The following ZNF804B variants were observed in gnomAD, a reference collection of about 807,000 sequenced individuals.
ZNF804B encodes the protein zinc finger 804B.
Under a neutral mutation model 101.4 loss-of-function variants are expected in ZNF804B, and 80 were observed. The observed-to-expected ratio is 0.79, with a 90% CI of 0.66 to 0.95. The LOEUF (loss-of-function observed/expected upper bound fraction) is 0.95. ZNF804B is among the 40% of genes least tolerant of loss of function. ZNF804B has a pLI of 0.00. For synonymous variants in ZNF804B, 622 were observed against 558.8 expected (o/e 1.11, Z -1.59); for missense variants, 1,673 against 1,561.9 (o/e 1.07, Z -1.20).
intron 2 of ZNF804B, among the ~76,000 whole-genome samples, chr7:89,245,435 A>C (rs570253719): frequency 1.3e-5 from 2 of 152,280 alleles, no homozygotes; most frequent in Admixed American, 1.3e-4. Context: ...GAAAATAATA[A>C]AATGTAAAAA....
chr7:89,113,367 C>T (rs1341642426), intron 1 of ZNF804B, among the ~76,000 whole-genome samples: 1 of 151,620 alleles, frequency 6.6e-6, no homozygotes, highest in East Asian at 1.9e-4. Context: ...AAATAAAAGT[C>T]ATAAAAGAAG....
intron 1 of ZNF804B, among the ~76,000 whole-genome samples, chr7:88,804,644 G>T (rs557876426): frequency 6.6e-6 from 1 of 152,136 alleles, no homozygotes; most frequent in South Asian, 2.1e-4. Flanking sequence ...TAGCAAAGTT[G>T]CTTTACACAT....
chr7:89,151,849 ACCT>A (rs1790882014), intron 1 of ZNF804B, among the ~76,000 whole-genome samples: 1 of 152,012 alleles, frequency 6.6e-6, no homozygotes, highest in Non-Finnish European at 1.5e-5. Flanking sequence ...GCTATGATCT[ACCT>A]CCTAGGCAGG....
chr7:88,880,836 A>G (rs537690897), intron 1 of ZNF804B, among the ~76,000 whole-genome samples: 1 of 152,204 alleles, frequency 6.6e-6, no homozygotes, highest in East Asian at 1.9e-4. Context: ...CCTTTCATGT[A>G]TGAATATTTG....
chr7:88,795,129 G>T, intron 1 of ZNF804B: 1 of 463,258 alleles, frequency 2.2e-6, no homozygotes, highest in Non-Finnish European at 3.8e-6. Flanking sequence ...GTTTTATCAG[G>T]AAACAATGTA....
At chr7:88,768,538 C>A (rs1361724303) in intron 1 of ZNF804B, among the ~76,000 whole-genome samples, 2 of 152,018 alleles carry the variant, frequency 1.3e-5, no homozygotes, top group African/African-American at 4.8e-5. Context: ...GGCAAGATGG[C>A]AAAACCCATC....
chr7:89,162,917 T>C (rs1791089327), intron 1 of ZNF804B, among the ~76,000 whole-genome samples: 1 of 134,738 alleles, frequency 7.4e-6, no homozygotes. Context: ...AGTGAGAATA[T>C]GTGGTGTTCG....
chr7:89,081,533 G>A (rs1457523514), intron 1 of ZNF804B, among the ~76,000 whole-genome samples: 2 of 151,704 alleles, frequency 1.3e-5, no homozygotes, highest in Non-Finnish European at 2.9e-5. Flanking sequence ...ACAATACATG[G>A]CACATATAAC....
intron 1 of ZNF804B, among the ~76,000 whole-genome samples, chr7:89,018,078 A>C (rs1788599673): frequency 6.6e-6 from 1 of 152,138 alleles, no homozygotes; most frequent in Admixed American, 6.6e-5. Context: ...GAAAGTGGGC[A>C]TTCTTCGCAT....
chr7:88,763,866 G>T (rs543684571), intron 1 of ZNF804B, among the ~76,000 whole-genome samples: 136 of 152,152 alleles, frequency 8.9e-4, no homozygotes, highest in Middle Eastern at 6.8e-3. Context: ...TATATTAATG[G>T]TAAAACTTTG....
At chr7:89,117,717 A>G (rs908157500) in intron 1 of ZNF804B, among the ~76,000 whole-genome samples, 38 of 152,196 alleles carry the variant, frequency 2.5e-4, no homozygotes, top group Non-Finnish European at 5.0e-4. Context: ...AAAATTTTTT[A>G]TTCAAATTAT....
At chr7:88,764,369 T>C (rs938301511) in intron 1 of ZNF804B, among the ~76,000 whole-genome samples, 3 of 152,172 alleles carry the variant, frequency 2.0e-5, no homozygotes, top group Admixed American at 6.5e-5. Flanking sequence ...GAATGCCTAT[T>C]GTCTTAATGC....
chr7:89,154,219 A>G (rs764250988), intron 1 of ZNF804B, among the ~76,000 whole-genome samples: 3 of 152,150 alleles, frequency 2.0e-5, no homozygotes, highest in Non-Finnish European at 4.4e-5. Context: ...TATATCCAAA[A>G]CACAGGCAAT....
At chr7:88,912,975 C>T (rs1424421639) in intron 1 of ZNF804B, among the ~76,000 whole-genome samples, 2 of 152,058 alleles carry the variant, frequency 1.3e-5, no homozygotes, top group Admixed American at 6.6e-5. Context: ...TTAGAAGCAA[C>T]CTTTTGCATT....
intron 1 of ZNF804B, among the ~76,000 whole-genome samples, chr7:88,964,026 T>C (rs1160776250): frequency 1.3e-5 from 2 of 151,408 alleles, no homozygotes; most frequent in South Asian, 2.1e-4. Context: ...GAAAACTGAA[T>C]ATAACAAGTG....
In ZNF804B at chr7:89,334,645, G is replaced by T. The variant is rs1791045990; in HGVS notation, c.1663G>T (p.Asp555Tyr). 3.1e-6 allele frequency: 5 copies of T among 1,613,744 alleles called. No individual in the cohort carries two copies. Among genetic ancestry groups the T allele is most frequent in the Non-Finnish European group, 4.2e-6 (5 of 1,179,834 alleles). The change falls in exon 4 of 4, where the codon GAC becomes TAC. Residue 555 changes from aspartate (D) to tyrosine (Y), a missense_variant. Asp to Tyr is a radical substitution (Grantham distance 160). Transcript: ENST00000333190. ...AAAATTCCAGAGGAAATATAATTTG[G>T]ACTACAGTGATTCTGAGCCAAATAA... is the stretch of plus-strand genomic sequence containing the variant. The part of the protein sequence containing the change: ...WEKFQRKYNL[D>Y]YSDSEPNKSE...
chr7:88,777,177 G>A (rs918361039), intron 1 of ZNF804B, among the ~76,000 whole-genome samples: 1 of 152,188 alleles, frequency 6.6e-6, no homozygotes, highest in Admixed American at 6.5e-5. Context: ...CAAGGTGAGC[G>A]ACTGGTGCCT....
intron 2 of ZNF804B, among the ~76,000 whole-genome samples, chr7:89,282,251 G>C (rs2115873432): frequency 6.7e-6 from 1 of 149,482 alleles, no homozygotes; most frequent in South Asian, 2.1e-4. Flanking sequence ...GCACAAATCT[G>C]GTTACTGCTT....
intron 1 of ZNF804B, among the ~76,000 whole-genome samples, chr7:88,811,276 C>A (rs1223768273): frequency 6.6e-6 from 1 of 152,134 alleles, no homozygotes; most frequent in African/African-American, 2.4e-5. Context: ...CATCACTGAT[C>A]TTTAGAGAAA....
Sources: gnomAD v4.1 joint callset for allele counts (sites outside exome capture counted in the v4.1 genomes callset) on GRCh38, gnomAD v4.1.1 for gene constraint, MANE v1.5 for transcripts, NCBI Gene and HGNC (gene_info 2026-07-23, HGNC 2026-07-21) for gene names.